PDE1C: variants seen among roughly 807,000 people sequenced by gnomAD.
PDE1C encodes the protein phosphodiesterase 1C.
A neutral mutation model predicts 93.1 loss-of-function variants in PDE1C; 62 were observed. That is an observed-to-expected ratio of 0.67 (90% CI 0.54 to 0.82). The LOEUF is 0.82. PDE1C is among the 40% of genes least tolerant of loss of function. The pLI, the probability that PDE1C is intolerant of heterozygous loss-of-function variation, is 0.00. For synonymous variants in PDE1C, 325 were observed against 310.1 expected, an observed-to-expected ratio of 1.05 and a Z score of -0.50; for missense variants, 742 against 884.6, an observed-to-expected ratio of 0.84 and a Z score of 2.04.
upstream of PDE1C, chr7:32,071,491 CT>C: frequency 1.2e-6 from 1 of 855,810 alleles, no homozygotes; most frequent in South Asian, 5.3e-5. Context: ...CCCTCCCTCC[CT>C]TTCACCCCCC....
chr7:32,161,744 T>G (rs1402099048), intron 3 of PDE1C, among the ~76,000 whole-genome samples: 1 of 152,144 alleles, frequency 6.6e-6, no homozygotes, highest in Non-Finnish European at 1.5e-5. Flanking sequence ...GTGAGTTAGG[T>G]GGAAGCTCCA....
At chr7:31,672,451 G>A in the PDE1C span, among the ~76,000 whole-genome samples, 1 of 152,004 alleles carries the variant, frequency 6.6e-6, no homozygotes, top group Admixed American at 6.5e-5. Context: ...CCTCTCCATA[G>A]TAAGTCATTA....
intron 1 of PDE1C, among the ~76,000 whole-genome samples, chr7:32,384,538 C>G (rs942305636): frequency 1.3e-5 from 2 of 151,992 alleles, no homozygotes; most frequent in African/African-American, 2.4e-5. Context: ...ATGTGAAAGG[C>G]CTTGGGTAAG....
chr7:31,624,742 C>G, the PDE1C span, among the ~76,000 whole-genome samples: 1 of 151,536 alleles, frequency 6.6e-6, no homozygotes, highest in East Asian at 1.9e-4. Context: ...ACACCAAAAG[C>G]AATGGCAACA....
At chr7:32,226,136 T>C (rs1021783047) in intron 1 of PDE1C, among the ~76,000 whole-genome samples, 2 of 152,202 alleles carry the variant, frequency 1.3e-5, no homozygotes, top group East Asian at 3.9e-4. Context: ...TTGTCATTTA[T>C]AACACAGAGT....
intron 2 of PDE1C, among the ~76,000 whole-genome samples, chr7:31,891,970 T>G (rs1366095592): frequency 6.6e-6 from 1 of 152,198 alleles, no homozygotes; most frequent in Non-Finnish European, 1.5e-5. Flanking sequence ...AAAGGGTACA[T>G]GGGAATTCCT....
At position 32,234,426 on chromosome 7, in the gene PDE1C, A is replaced by C. The variant is rs1025976853; in HGVS notation, c.86-24887T>G. Among the ~76,000 whole-genome samples the C allele has an allele frequency of 2.6e-5, 4 of 151,980 alleles. 1 individual carries two copies. The highest frequency in any genetic ancestry group is 9.7e-5 in the African/African-American group (4 of 41,440). On this transcript the variant is annotated intron_variant, in intron 1 of 18. Coordinates refer to the PDE1C transcript ENST00000396193. ...ACATAAATTACCAATATCAGGAAAA[A>C]AATAGGGGCTCAACACAGACCCTGC...
the PDE1C span, among the ~76,000 whole-genome samples, chr7:31,640,927 T>C: frequency 6.6e-6 from 1 of 152,204 alleles, no homozygotes; most frequent in Non-Finnish European, 1.5e-5. Context: ...TGTTTGAGGC[T>C]GAATTAAAGA....
chr7:32,192,723 G>T (rs752411053), intron 2 of PDE1C, among the ~76,000 whole-genome samples: 2 of 151,898 alleles, frequency 1.3e-5, no homozygotes, highest in Admixed American at 1.3e-4. Flanking sequence ...AAAAAATCTT[G>T]CTGGGATCTT....
the PDE1C span, among the ~76,000 whole-genome samples, chr7:31,639,539 T>TG: frequency 0.055 from 378 of 6,832 alleles, 9 homozygotes; most frequent in East Asian, 0.48. Flanking sequence ...TTTGTTTTTG[T>TG]TTTTTTTTTT....
chr7:32,341,319 G>A (rs1345727220), intron 1 of PDE1C, among the ~76,000 whole-genome samples: 4 of 148,866 alleles, frequency 2.7e-5, no homozygotes, highest in Non-Finnish European at 5.9e-5. Flanking sequence ...GGGACTACAG[G>A]CGCCCGCTAC....
At chr7:32,226,022 C>T (rs774984476) in intron 1 of PDE1C, among the ~76,000 whole-genome samples, 2 of 152,084 alleles carry the variant, frequency 1.3e-5, no homozygotes, top group Non-Finnish European at 2.9e-5. Flanking sequence ...CATGCCACTG[C>T]ACTCCAGCCT....
chr7:31,966,406 T>G (rs1472268677), intron 2 of PDE1C, among the ~76,000 whole-genome samples: 1 of 152,170 alleles, frequency 6.6e-6, no homozygotes, highest in Non-Finnish European at 1.5e-5. Flanking sequence ...CAAGAAGAAC[T>G]AACTATCCTA....
chr7:32,086,297 G>C (rs1442817239), intron 3 of PDE1C, among the ~76,000 whole-genome samples: 1 of 151,908 alleles, frequency 6.6e-6, no homozygotes, highest in Non-Finnish European at 1.5e-5. Context: ...CAACTTACCA[G>C]GGACATGAAG....
chr7:32,379,668 G>A (rs1784497315), intron 1 of PDE1C, among the ~76,000 whole-genome samples: 2 of 152,162 alleles, frequency 1.3e-5, no homozygotes, highest in Admixed American at 6.5e-5. Flanking sequence ...CTTTAATTGA[G>A]TTGCTGATGA....
At chr7:32,221,581 T>A (rs1806868670) in intron 1 of PDE1C, among the ~76,000 whole-genome samples, 1 of 152,320 alleles carries the variant, frequency 6.6e-6, no homozygotes, top group African/African-American at 2.4e-5. Context: ...CTGGTCCAGG[T>A]ACCATACTTT....
At chr7:31,796,039 C>A (rs568450304) in intron 16 of PDE1C, among the ~76,000 whole-genome samples, 1 of 151,188 alleles carries the variant, frequency 6.6e-6, no homozygotes, top group Non-Finnish European at 1.5e-5. Context: ...AATAATATTA[C>A]AATTCTCTCC....
chr7:31,667,392 C>T, the PDE1C span, among the ~76,000 whole-genome samples: 1 of 152,182 alleles, frequency 6.6e-6, no homozygotes, highest in African/African-American at 2.4e-5. Context: ...TTCTCCTAAA[C>T]TTGCTTTGAT....
At chr7:32,295,102 A>G (rs1812549150) in intron 1 of PDE1C, among the ~76,000 whole-genome samples, 1 of 152,224 alleles carries the variant, frequency 6.6e-6, no homozygotes, top group Non-Finnish European at 1.5e-5. Context: ...AGGCAGATTA[A>G]CTAACCTTGT....
Sources: allele counts gnomAD v4.1 joint callset (sites outside exome capture counted in the v4.1 genomes callset), GRCh38; gene constraint gnomAD v4.1.1; transcripts MANE v1.5; gene names NCBI Gene and HGNC (gene_info 2026-07-23, HGNC 2026-07-21).